Variants in AFP observed in about 807,000 individuals in gnomAD.
AFP encodes alpha fetoprotein, also known as alpha-fetoprotein.
A neutral mutation model predicts 78.9 loss-of-function variants in AFP; 64 were observed. The observed-to-expected ratio is 0.81, with a 90% confidence interval of 0.66 to 1.00. The LOEUF (loss-of-function observed/expected upper bound fraction) is 1.00, where lower values mean the gene tolerates loss of function less well. AFP is among the 50% of genes least tolerant of loss of function. AFP has a pLI of 0.00. For synonymous variants in AFP, 254 were observed against 243.8 expected, an observed-to-expected ratio of 1.04 and a Z score of -0.39; for missense variants, 689 against 703.8, an observed-to-expected ratio of 0.98 and a Z score of 0.24.
At chr4:73,447,962 C>T (rs1277444952) in intron 8 of AFP, among the ~76,000 whole-genome samples, 1 of 152,044 alleles carries the variant, frequency 6.6e-6, no homozygotes, top group Non-Finnish European at 1.5e-5. Flanking sequence ...GAAGCATTGT[C>T]ATCCTGTAAA....
In AFP at chr4:73,450,691, G is replaced by C; in HGVS notation, c.1366G>C (p.Ala456Pro). 1.2e-6 allele frequency: 2 copies of C among 1,614,124 alleles called. No homozygotes were observed. Among genetic ancestry groups the C allele is most frequent in the Non-Finnish European group, 1.7e-6 (2 of 1,179,998 alleles). ...ELMAITRKMA[A>P]TAATCCQLSE... The stretch of plus-strand genomic sequence containing the variant: ...GATGGCCATCACCAGAAAAATGGCA[G>C]CCACAGCAGCCACTTGTTGCCAACT... The change falls in exon 11 of 15, where the codon GCC becomes CCC. Residue 456 changes from alanine to proline, a missense_variant. Physicochemically the swap from Ala to Pro is conservative, Grantham distance 27 (BLOSUM62 -1). Coordinates refer to ENST00000395792, the MANE Select transcript of AFP (RefSeq NM_001134.3).
chr4:73,438,449 T>C, intron 3 of AFP, 143 bp downstream of exon 3: 4 of 977,512 alleles, frequency 4.1e-6, no homozygotes, highest in Non-Finnish European at 3.0e-6. Flanking sequence ...TCATTCTGAA[T>C]TGCTAAAGAG....
chr4:73,437,872 T>G (rs77985098), intron 2 of AFP, among the ~76,000 whole-genome samples: 30 of 152,018 alleles, frequency 2.0e-4, no homozygotes, highest in Admixed American at 6.6e-4. Flanking sequence ...ATAGATACCC[T>G]CAATTATGGG....
Position 73,442,305 on chromosome 4 carries a change from T to A in AFP, c.492T>A (p.Tyr164Ter). ...DRETFMNKFI[Y>*]EIARRHPFLY... ...CTATTTTATTTCACAGATTCATTTA[T>A]GAGATAGCAAGAAGGCATCCCTTCC... The change falls in exon 5 of 15, where the codon TAT (tyrosine) becomes TAA (stop). Residue 164 changes from tyrosine (Y) to a stop codon, truncating the protein, a stop_gained. Coordinates refer to ENST00000395792, the MANE Select transcript of AFP (RefSeq NM_001134.3). LOFTEE classifies it high-confidence loss of function. 1 of 1,613,738 alleles carries A rather than the reference T, an allele frequency of 6.2e-7. No individual in the cohort carries two copies.
chr4:73,437,979 A>C (rs1455030820), intron 2 of AFP, among the ~76,000 whole-genome samples, 195 bp from the exon 3 acceptor site: 2 of 152,118 alleles, frequency 1.3e-5, no homozygotes, highest in Non-Finnish European at 2.9e-5. Context: ...ATTTATGGCA[A>C]AAGAAAACAA....
chr4:73,449,962 A>C, intron 9 of AFP, 74 bp from the exon 10 acceptor site: 7 of 915,142 alleles, frequency 7.6e-6, no homozygotes, highest in South Asian at 1.5e-5. Context: ...AGTATATAAT[A>C]TTGATCAATT....
intron 7 of AFP, among the ~76,000 whole-genome samples, chr4:73,445,741 G>A (rs1719802039): frequency 6.6e-6 from 1 of 152,164 alleles, no homozygotes; most frequent in African/African-American, 2.4e-5. Context: ...CCTTGCCAAA[G>A]ACAAGTGTGA....
chr4:73,448,560 T>C (rs1257231111), intron 8 of AFP, among the ~76,000 whole-genome samples: 1 of 152,162 alleles, frequency 6.6e-6, no homozygotes, highest in Non-Finnish European at 1.5e-5. Context: ...AAAGTTCAGA[T>C]TTAGGAGACA....
At chr4:73,448,057 A>G (rs1470518924) in intron 8 of AFP, among the ~76,000 whole-genome samples, 1 of 152,040 alleles carries the variant, frequency 6.6e-6, no homozygotes, top group Non-Finnish European at 1.5e-5. Context: ...TTAAGAATGA[A>G]CTCTTGCTAC....
intron 9 of AFP, among the ~76,000 whole-genome samples, chr4:73,449,714 T>C (rs1274548165): frequency 6.6e-6 from 1 of 152,202 alleles, no homozygotes; most frequent in African/African-American, 2.4e-5. Flanking sequence ...TAACCAAAAG[T>C]CCTTTGATCC....
intron 8 of AFP, 63 bp downstream of exon 8, chr4:73,447,739 C>A: frequency 7.2e-7 from 1 of 1,382,972 alleles, no homozygotes; most frequent in Non-Finnish European, 1.0e-6. Context: ...GACAGATTTG[C>A]GTTGTTGAAA....
chr4:73,455,139 CA>C, intron 13 of AFP, 96 bp from the exon 14 acceptor site: 1 of 1,001,112 alleles, frequency 1.0e-6, no homozygotes, highest in Non-Finnish European at 1.6e-6. Context: ...AGTTAATCTA[CA>C]AACCTATGAA....
chr4:73,446,091 T>C (rs1039034634), intron 7 of AFP, among the ~76,000 whole-genome samples: 1 of 152,172 alleles, frequency 6.6e-6, no homozygotes, highest in Non-Finnish European at 1.5e-5. Flanking sequence ...TTCAGTGAGA[T>C]GCTTGAAGTA....
At position 73,448,439 on chromosome 4, in the gene AFP, A is replaced by T. The variant is rs538463340; in HGVS notation, c.1058+763A>T. 2.6e-5 allele frequency among the ~76,000 whole-genome samples: 4 copies of T among 152,272 alleles called. No individual in the cohort carries two copies. The East Asian group carries it at 7.7e-4, about 29-fold the overall frequency. ...TGATTCTAACGTAGTAATAAAAATAAAGGCCCAATTTTCTCTTTAATATTG... is the reference window on the plus strand; with the variant it reads ...TGATTCTAACGTAGTAATAAAAATATAGGCCCAATTTTCTCTTTAATATTG... On this transcript the variant is annotated intron_variant, in intron 8 of 14. Transcript: ENST00000395792.
intron 4 of AFP, 76 bp downstream of exon 4, chr4:73,440,889 T>C: frequency 1.6e-6 from 2 of 1,258,476 alleles, no homozygotes; most frequent in South Asian, 1.4e-5. Context: ...ATTTTTGCAA[T>C]GTACTCATGT....
In AFP at chr4:73,440,583, CAT is replaced by C. The variant is rs752551398; in HGVS notation, c.271-17_271-16del. ...GCAAAGTTAGTTGTCTTTCTCCAAA[CAT>C]AAAATATTTCTTATAGCTACCTGCC... On this transcript the variant is annotated splice_polypyrimidine_tract_variant and intron_variant, in intron 3 of 14. Coordinates refer to ENST00000395792, the MANE Select transcript of AFP (RefSeq NM_001134.3). The C allele has an allele frequency of 1.9e-6, 3 of 1,598,070 alleles. No homozygotes were observed. Among genetic ancestry groups the C allele is most frequent in the African/African-American group, 2.7e-5 (2 of 74,594 alleles).
In AFP at chr4:73,445,859, T is replaced by C. The variant is rs78150645; in HGVS notation, c.843+737T>C. Among the ~76,000 whole-genome samples the C allele has an allele frequency of 3.9e-5, 6 of 152,304 alleles. No individual in the cohort carries two copies. In the East Asian group the frequency reaches 1.2e-3, roughly 29 times the overall value. On this transcript the variant is annotated intron_variant, in intron 7 of 14. Coordinates refer to ENST00000395792, the MANE Select transcript of AFP (RefSeq NM_001134.3). ...TTAAGCAGTGTGGCATTGGCTTATTTTGGCTAACCCTAGACTTCCTAGATT... is the reference window on the plus strand; with the variant it reads ...TTAAGCAGTGTGGCATTGGCTTATTCTGGCTAACCCTAGACTTCCTAGATT...
chr4:73,450,464 C>A, intron 10 of AFP, 151 bp from the exon 11 acceptor site: 2 of 1,081,982 alleles, frequency 1.8e-6, no homozygotes, highest in East Asian at 2.5e-5. Context: ...GTAAATGCAT[C>A]TCAAAAGTTG....
intron 7 of AFP, among the ~76,000 whole-genome samples, 178 bp downstream of exon 7, chr4:73,445,300 G>A (rs1719787161): frequency 6.6e-6 from 1 of 151,822 alleles, no homozygotes. Flanking sequence ...TGTTGATCCT[G>A]GCTTTCACTT....
Sources: gnomAD v4.1 joint callset for allele counts (sites outside exome capture counted in the v4.1 genomes callset) on GRCh38, gnomAD v4.1.1 for gene constraint, MANE v1.5 for transcripts, NCBI Gene and HGNC (gene_info 2026-07-23, HGNC 2026-07-21) for gene names.